Variants in TRAPPC12 observed in about 807,000 individuals in gnomAD.
TRAPPC12 encodes TPR repeat protein 15.
TRAPPC12 carries 61 observed loss-of-function variants against 69.2 expected under a neutral mutation model. The observed-to-expected ratio is 0.88, with a 90% CI of 0.72 to 1.09. The LOEUF (loss-of-function observed/expected upper bound fraction) is 1.09. Ranked by LOEUF, TRAPPC12 falls within the 50% of genes least tolerant of loss-of-function variation. The pLI is 0.00. For synonymous variants in TRAPPC12, 469 were observed against 438.9 expected (o/e 1.07, Z -0.86); for missense variants, 1,101 against 1,016.4 (o/e 1.08, Z -1.13).
intron 3 of TRAPPC12, among the ~76,000 whole-genome samples, chr2:3,402,180 G>GATAGAGATAATATAATAGAGATATAT (rs1558352225): frequency 2.6e-5 from 4 of 152,160 alleles, no homozygotes; most frequent in Non-Finnish European, 4.4e-5. Context: ...AGAGATAAAT[G>GATAGAGATAATATAATAGAGATATAT]ATTTGTGTTC....
chr2:3,393,629 T>C (rs571692425), intron 2 of TRAPPC12, among the ~76,000 whole-genome samples: 62 of 152,228 alleles, frequency 4.1e-4, no homozygotes, highest in African/African-American at 1.4e-3. Context: ...ATATATAATT[T>C]GTATTTGTCA....
intron 2 of TRAPPC12, 145 bp downstream of exon 2, chr2:3,388,815 G>A: frequency 1.2e-6 from 1 of 806,444 alleles, no homozygotes; most frequent in Non-Finnish European, 1.9e-6. Flanking sequence ...GTGTTCCTCT[G>A]TCCCTGGGTA....
chr2:3,463,378 G>A (rs1665614966), intron 8 of TRAPPC12, among the ~76,000 whole-genome samples: 1 of 151,720 alleles, frequency 6.6e-6, no homozygotes, highest in African/African-American at 2.4e-5. Context: ...CTGAGCTGGT[G>A]GGAGTGGCTG....
chr2:3,475,250 C>G, intron 9 of TRAPPC12, among the ~76,000 whole-genome samples: 1 of 142,964 alleles, frequency 7.0e-6, no homozygotes, highest in Non-Finnish European at 1.5e-5. Flanking sequence ...ACGGCCACAC[C>G]TGGTGCTTAC....
At chr2:3,434,120 A>G (rs913019641) in intron 5 of TRAPPC12, among the ~76,000 whole-genome samples, 1 of 152,216 alleles carries the variant, frequency 6.6e-6, no homozygotes, top group Non-Finnish European at 1.5e-5. Context: ...ATTACACCAA[A>G]GCAGCTTCTG....
At chr2:3,441,810 A>G (rs114949265) in intron 5 of TRAPPC12, among the ~76,000 whole-genome samples, 2,243 of 151,880 alleles carry the variant, frequency 0.015, 65 homozygotes, top group African/African-American at 0.052. Context: ...TTCTTTTCCA[A>G]TATATGCATT....
In TRAPPC12 at chr2:3,460,298, G is replaced by C; in HGVS notation, c.1639G>C (p.Val547Leu). The change falls in exon 8 of 12, where the codon GTG becomes CTG. Residue 547 changes from valine (V) to leucine (L), a missense_variant. Physicochemically the swap from Val to Leu is conservative, Grantham distance 32. Transcript: ENST00000324266. The stretch of plus-strand genomic sequence containing the variant: ...GCTGTGGAGGTCACGTCTGGGCCGG[G>C]TGATGTACTCCATGGCAAACTGTCT... ...IRLWRSRLGR[V>L]MYSMANCLLL... The C allele has an allele frequency of 1.1e-6, 1 of 874,768 alleles. No homozygotes were observed. The highest frequency in any genetic ancestry group is 2.0e-6 in the Non-Finnish European group (1 of 503,314). 54.2% of individuals were successfully genotyped at this position (874,768 alleles called of 1,614,324 possible).
At chr2:3,427,494 C>T (rs1348269960) in intron 5 of TRAPPC12, among the ~76,000 whole-genome samples, 1 of 152,246 alleles carries the variant, frequency 6.6e-6, no homozygotes, top group Non-Finnish European at 1.5e-5. Context: ...ATTATAGATT[C>T]AAAATGACTC....
At chr2:3,476,619 C>T (rs544093143) in intron 9 of TRAPPC12, among the ~76,000 whole-genome samples, 2 of 152,374 alleles carry the variant, frequency 1.3e-5, no homozygotes, top group East Asian at 3.9e-4. Flanking sequence ...GCTTGGAAGA[C>T]ATGCAGAAAC....
At position 3,463,273 on chromosome 2, in the gene TRAPPC12, C is replaced by T. The variant is rs539272755; in HGVS notation, c.1678-2324C>T. Among the ~76,000 whole-genome samples, 4 of 152,114 alleles carry T rather than the reference C, an allele frequency of 2.6e-5. 1 individual carries two copies. The highest frequency in any genetic ancestry group is 6.8e-3 in the Middle Eastern group (2 of 294). ...TCATCTGCTGTATTGACGATGGGCC[C>T]CCTGAAGTGCCCCAGAATTCTTCCC... is the stretch of plus-strand genomic sequence containing the variant. On this transcript the variant is annotated intron_variant, in intron 8 of 11. Coordinates refer to ENST00000324266, the MANE Select transcript of TRAPPC12 (RefSeq NM_016030.6).
intron 9 of TRAPPC12, among the ~76,000 whole-genome samples, chr2:3,472,967 T>C (rs1666128725): frequency 6.6e-6 from 1 of 152,022 alleles, no homozygotes; most frequent in Non-Finnish European, 1.5e-5. Flanking sequence ...CCGGCCAGGG[T>C]GGTAGGATCT....
chr2:3,392,485 A>T (rs1358705741), intron 2 of TRAPPC12, among the ~76,000 whole-genome samples: 1 of 152,232 alleles, frequency 6.6e-6, no homozygotes, highest in African/African-American at 2.4e-5. Context: ...CCAGTGCCAG[A>T]ACACAGGTCC....
intron 5 of TRAPPC12, among the ~76,000 whole-genome samples, chr2:3,432,337 C>A (rs904315064): frequency 3.3e-5 from 5 of 152,208 alleles, no homozygotes; most frequent in African/African-American, 1.2e-4. Flanking sequence ...TCTACTCTTC[C>A]ATCAGCTGTC....
Position 3,379,813 on chromosome 2 carries a change from C to T in TRAPPC12, c.-68C>T, listed in dbSNP as rs963344901. The T allele has an allele frequency of 2.0e-5, 3 of 152,414 alleles. No individual in the cohort carries two copies. Among genetic ancestry groups the T allele is most frequent in the Admixed American group, 6.5e-5 (1 of 15,282 alleles). 9.4% of individuals were successfully genotyped at this position (152,414 alleles called of 1,614,324 possible). Reference sequence around the variant, plus strand: ...TCCGATTCCCGGCTTCTGTCACCTTCCTCACGGACCTTGGTCACGGCCGCA... The same window carrying T: ...TCCGATTCCCGGCTTCTGTCACCTTTCTCACGGACCTTGGTCACGGCCGCA... On this transcript the variant is annotated 5_prime_UTR_variant, in exon 1 of 12. Coordinates refer to ENST00000324266, the MANE Select transcript of TRAPPC12 (RefSeq NM_016030.6).
At chr2:3,458,677 A>C (rs1018533501) in intron 7 of TRAPPC12, among the ~76,000 whole-genome samples, 1 of 152,150 alleles carries the variant, frequency 6.6e-6, no homozygotes, top group African/African-American at 2.4e-5. Context: ...CTGCTCATGG[A>C]TGTCCCATTC....
At chr2:3,412,608 C>T (rs534697156) in intron 3 of TRAPPC12, among the ~76,000 whole-genome samples, 1 of 152,246 alleles carries the variant, frequency 6.6e-6, no homozygotes, top group South Asian at 2.1e-4. Flanking sequence ...TGAGGGTGCT[C>T]ATCTTGCAAT....
At chr2:3,451,956 A>C (rs956440203) in intron 6 of TRAPPC12, among the ~76,000 whole-genome samples, 1 of 152,234 alleles carries the variant, frequency 6.6e-6, no homozygotes, top group African/African-American at 2.4e-5. Context: ...TGTGTTGACC[A>C]TCAGTTGCTG....
At chr2:3,398,255 T>C (rs116283204) in intron 2 of TRAPPC12, among the ~76,000 whole-genome samples, 197 of 152,322 alleles carry the variant, frequency 1.3e-3, no homozygotes, top group Non-Finnish European at 1.9e-3. Context: ...CTGTGGTAAC[T>C]CTGTTCAACA....
chr2:3,386,812 A>G (rs1201178802), intron 1 of TRAPPC12, among the ~76,000 whole-genome samples: 3 of 152,146 alleles, frequency 2.0e-5, no homozygotes, highest in Non-Finnish European at 4.4e-5. Context: ...GACTCTCAGA[A>G]TGAAGTAGTG....
Sources: gnomAD v4.1 joint callset for allele counts (sites outside exome capture counted in the v4.1 genomes callset) on GRCh38, gnomAD v4.1.1 for gene constraint, MANE v1.5 for transcripts, NCBI Gene and HGNC (gene_info 2026-07-23, HGNC 2026-07-21) for gene names.